GLDC: variants seen among roughly 807,000 people sequenced by gnomAD.
GLDC encodes the protein glycine dehydrogenase (decarboxylating), mitochondrial.
A neutral mutation model predicts 121.3 loss-of-function variants in GLDC; 104 were observed. The observed-to-expected ratio is 0.86, with a 90% confidence interval of 0.73 to 1.01. The LOEUF (loss-of-function observed/expected upper bound fraction) is 1.01. Ranked by LOEUF, GLDC falls within the 50% of genes least tolerant of loss-of-function variation. GLDC has a pLI of 0.00. For missense variants in GLDC, 1,429 were observed against 1,306.6 expected (o/e 1.09, Z -1.44); for synonymous variants, 546 against 480.6 (o/e 1.14, Z -1.78).
chr9:6,624,920 G>A (rs1462052038), intron 2 of GLDC, among the ~76,000 whole-genome samples: 6 of 151,820 alleles, frequency 4.0e-5, no homozygotes, highest in South Asian at 4.2e-4. Context: ...CCAGGGAGGC[G>A]GAGATTGCAG....
At chr9:6,563,936 C>A (rs1209421861) in intron 16 of GLDC, among the ~76,000 whole-genome samples, 2 of 151,420 alleles carry the variant, frequency 1.3e-5, no homozygotes, top group Non-Finnish European at 2.9e-5. Context: ...TTCAAGGCTG[C>A]AGTGAGCTAT....
In GLDC at chr9:6,534,724, A is replaced by G. The variant is rs554230348; in HGVS notation, c.2903T>C (p.Val968Ala). The G allele has an allele frequency of 5.0e-6, 8 of 1,596,264 alleles. No homozygotes were observed. In the South Asian group the frequency reaches 5.5e-5, roughly 11 times the overall value. Residue 968 changes from valine (V) to alanine (A), a missense_variant, in exon 24 of 25, where the codon GTG (valine) becomes GCG (alanine). Physicochemically the swap from Val to Ala is moderately conservative, Grantham distance 64. Transcript: ENST00000321612. ...SHWDRPYSRE[V>A]AAFPLPFVKP... ...AGAACTTACGAGTGGGAATGCTGCC[A>G]CCTCTCTGGAATAAGGCCGGTCCCA...
At chr9:6,641,663 A>G (rs1049784937) in intron 2 of GLDC, among the ~76,000 whole-genome samples, 7 of 152,170 alleles carry the variant, frequency 4.6e-5, no homozygotes, top group African/African-American at 1.7e-4. Flanking sequence ...TAGGGTTGTA[A>G]TATACATTAA....
chr9:6,635,107 G>A (rs1049075535), intron 2 of GLDC, among the ~76,000 whole-genome samples: 5 of 152,082 alleles, frequency 3.3e-5, no homozygotes, highest in Non-Finnish European at 7.3e-5. Flanking sequence ...AACTTCAGAC[G>A]AAGTCTCCAT....
chr9:6,559,854 T>C (rs1217666863), intron 16 of GLDC, among the ~76,000 whole-genome samples: 1 of 151,912 alleles, frequency 6.6e-6, no homozygotes, highest in Non-Finnish European at 1.5e-5. Flanking sequence ...GACCAACCCC[T>C]ACCCCGGGTT....
intron 21 of GLDC, among the ~76,000 whole-genome samples, chr9:6,546,733 G>A (rs979029964): frequency 6.6e-6 from 1 of 151,852 alleles, no homozygotes; most frequent in African/African-American, 2.4e-5. Flanking sequence ...AGGCCAAGGT[G>A]GGAGGATCAC....
Position 6,610,217 on chromosome 9 carries a change from C to A in GLDC, c.610G>T (p.Ala204Ser), listed in dbSNP as rs757620314. ...CTGTAGCACAGCTGCAGTGCCTCTGCGGCTGCAGTCCCCTCATCCAGCAGG... is the reference window on the plus strand; with the variant it reads ...CTGTAGCACAGCTGCAGTGCCTCTGAGGCTGCAGTCCCCTCATCCAGCAGG... ...ASLLDEGTAA[A>S]EALQLCYRHN... is the part of the protein sequence containing the mutation. The change falls in exon 4 of 25, where the codon GCA becomes TCA. Residue 204 changes from alanine (A) to serine (S), a missense_variant. Ala to Ser is a moderately conservative substitution (Grantham distance 99). Transcript: ENST00000321612. The A allele has an allele frequency of 3.1e-6, 5 of 1,612,558 alleles. No individual in the cohort carries two copies. In the African/African-American group the frequency reaches 5.3e-5, roughly 17 times the overall value.
intron 21 of GLDC, chr9:6,541,136 G>T (rs889586122): frequency 1.3e-5 from 2 of 152,154 alleles, no homozygotes; most frequent in African/African-American, 2.4e-5. Context: ...TAGATTTTCA[G>T]ATTAGGGATA....
intron 2 of GLDC, among the ~76,000 whole-genome samples, chr9:6,635,079 T>C (rs1439002824): frequency 6.6e-6 from 1 of 152,242 alleles, no homozygotes; most frequent in African/African-American, 2.4e-5. Flanking sequence ...CACACTTCCA[T>C]GCCTCTGCTC....
chr9:6,639,668 A>AAAAATATATAT, intron 2 of GLDC: 11 of 250,588 alleles, frequency 4.4e-5, no homozygotes, highest in African/African-American at 2.6e-4. Context: ...ATAAAAAAAA[A>AAAAATATATAT]GTATATATAT....
At chr9:6,607,510 A>T (rs1306191382) in intron 4 of GLDC, among the ~76,000 whole-genome samples, 1 of 152,100 alleles carries the variant, frequency 6.6e-6, no homozygotes, top group East Asian at 1.9e-4. Flanking sequence ...TGAACCCGGG[A>T]GGCAGAGGTT....
chr9:6,633,618 T>A (rs1819436400), intron 2 of GLDC, among the ~76,000 whole-genome samples: 1 of 151,824 alleles, frequency 6.6e-6, no homozygotes, highest in African/African-American at 2.4e-5. Flanking sequence ...AACCACCACG[T>A]CTGTACAAAA....
chr9:6,554,680 C>T lies in GLDC; in HGVS notation c.2304G>A (p.Gly768=), dbSNP rs533775952. 1.1e-5 allele frequency: 17 copies of T among 1,609,824 alleles called. No homozygotes were observed. In the Admixed American group the frequency reaches 2.5e-4, roughly 24 times the overall value. The change falls in exon 19 of 25, where the codon GGG becomes GGA. Residue 768 remains glycine (G), a synonymous_variant. Coordinates refer to ENST00000321612, the MANE Select transcript of GLDC (RefSeq NM_000170.3). ...IPHGGGGPGM[G]PIGVKKHLAP... ...AGCCCAGAACTTACACTCCGATGGG[C>T]CCCATGCCAGGACCACCTCCTCCGT...
chr9:6,552,036 T>C (rs1251130386), intron 20 of GLDC, among the ~76,000 whole-genome samples: 1 of 152,064 alleles, frequency 6.6e-6, no homozygotes. Context: ...TCGTGCAGGC[T>C]AGTGAGAACC....
chr9:6,586,463 T>C (rs922719689), intron 15 of GLDC, among the ~76,000 whole-genome samples: 16 of 152,204 alleles, frequency 1.1e-4, no homozygotes, highest in African/African-American at 3.9e-4. Flanking sequence ...TTCTTCAAAG[T>C]CTTTCCTTTA....
chr9:6,567,808 C>T (rs1817881504), intron 15 of GLDC, among the ~76,000 whole-genome samples: 2 of 152,174 alleles, frequency 1.3e-5, no homozygotes, highest in South Asian at 4.1e-4. Flanking sequence ...ACTTTGTATG[C>T]CTGTCTTATC....
Position 6,592,909 on chromosome 9 carries a change from T to G in GLDC, c.1343A>C (p.Glu448Ala). Reference protein sequence around the residue: ...LKIQCGCSVKEVLGRAAQRQI... With the variant: ...LKIQCGCSVKAVLGRAAQRQI... ...CCGCTGAGCGGCCCTGCCCAAGACC[T>G]CCTTCACTGAGCAGCCACACTGAAT... Residue 448 changes from glutamate (E) to alanine (A), a missense_variant, in exon 10 of 25, where the codon GAG becomes GCG. Transcript: ENST00000321612. 6 of 1,613,874 alleles carry G rather than the reference T, an allele frequency of 3.7e-6. No individual in the cohort carries two copies. In the Middle Eastern group the frequency reaches 5.0e-4, roughly 133 times the overall value.
Position 6,602,205 on chromosome 9 carries a change from T to G in GLDC, c.1059A>C (p.Arg353Ser). The change falls in exon 8 of 25, where the codon AGA (arginine) becomes AGC (serine). Residue 353 changes from arginine (R) to serine (S), a missense_variant and splice_region_variant. Coordinates refer to ENST00000321612, the MANE Select transcript of GLDC (RefSeq NM_000170.3). ...MMPGRMVGVT[R>S]DATGKEVYRL... ...GATACACTTCTTTCCCAGTGGCATC[T>G]CTACACCAAGAATAAGGCATCCAGT... The G allele has an allele frequency of 2.5e-6, 4 of 1,594,454 alleles. No individual in the cohort carries two copies. The highest frequency in any genetic ancestry group is 3.4e-6 in the Non-Finnish European group (4 of 1,162,644).
chr9:6,579,468 T>C lies in GLDC; in HGVS notation c.1850+7673A>G, dbSNP rs545918812. ...TTTTGGAATATTTCCTCCAAGTACCTTTCCAAGTCACTAATTTTGTTTTCA... is the reference window on the plus strand; with the variant it reads ...TTTTGGAATATTTCCTCCAAGTACCCTTCCAAGTCACTAATTTTGTTTTCA... On this transcript the variant is annotated intron_variant, in intron 15 of 24. Transcript: ENST00000321612. 5.9e-5 allele frequency among the ~76,000 whole-genome samples: 9 copies of C among 152,330 alleles called. No individual in the cohort carries two copies. In the South Asian group the frequency reaches 1.7e-3, roughly 28 times the overall value.
Sources: gnomAD v4.1 joint callset for allele counts (sites outside exome capture counted in the v4.1 genomes callset) on GRCh38, gnomAD v4.1.1 for gene constraint, MANE v1.5 for transcripts, NCBI Gene and HGNC (gene_info 2026-07-23, HGNC 2026-07-21) for gene names.